Variants in CELF2 observed in about 807,000 individuals in gnomAD.
CELF2 encodes the protein CUGBP Elav-like family member 2.
In CELF2, 8 loss-of-function variants were observed where a neutral mutation model predicts 62.6. That is an observed-to-expected ratio of 0.13 (90% CI 0.07 to 0.23). The LOEUF is 0.23. Among genes scored for constraint, CELF2 ranks in the 10% least tolerant of loss-of-function variants. The pLI, the probability that CELF2 is intolerant of heterozygous loss-of-function variation, is 1.00. For missense variants in CELF2, 333 were observed against 671.0 expected (o/e 0.50, Z 5.56); for synonymous variants, 258 against 250.0 (o/e 1.03, Z -0.30).
rs561382648 is a variant in CELF2 at position 10,818,803 on chromosome 10, C to T, written c.53+19986C>T. On this transcript the variant is annotated intron_variant, in intron 1 of 13. Transcript: ENST00000636488. Reference sequence around the variant, plus strand: ...ATGTTGACCAGGCTGGTCTCGACCTCCTAACCTCGAGTAATCTGCCTGCCT... The same window carrying T: ...ATGTTGACCAGGCTGGTCTCGACCTTCTAACCTCGAGTAATCTGCCTGCCT... Among the ~76,000 whole-genome samples the T allele has an allele frequency of 3.3e-5, 5 of 152,214 alleles. No homozygotes were observed. In the South Asian group the frequency reaches 1.0e-3, roughly 32 times the overall value.
intron 4 of CELF2, among the ~76,000 whole-genome samples, chr10:11,253,396 G>C (rs2137556895): frequency 6.6e-6 from 1 of 152,328 alleles, no homozygotes; most frequent in South Asian, 2.1e-4. Flanking sequence ...ATCATCAGCA[G>C]AGGGTGCAGA....
chr10:11,238,626 G>A (rs6602487), intron 3 of CELF2, among the ~76,000 whole-genome samples: 150,295 of 152,350 alleles, frequency 0.99, 74,184 homozygotes, highest in East Asian at 1. Flanking sequence ...CACAGTGACA[G>A]TACCTTCTAC....
chr10:10,848,754 G>A (rs925749541), intron 1 of CELF2, among the ~76,000 whole-genome samples: 69 of 152,166 alleles, frequency 4.5e-4, no homozygotes, highest in Non-Finnish European at 2.8e-4. Flanking sequence ...TCCGATTGCT[G>A]CCTCTAACCA....
chr10:11,174,892 G>A (rs1048941604), intron 2 of CELF2, among the ~76,000 whole-genome samples: 1 of 152,208 alleles, frequency 6.6e-6, no homozygotes, highest in African/African-American at 2.4e-5. Context: ...AAACATCAGG[G>A]AGGGGGAGGA....
At chr10:11,034,346 C>T (rs1387768388) in intron 1 of CELF2, among the ~76,000 whole-genome samples, 2 of 136,998 alleles carry the variant, frequency 1.5e-5, no homozygotes, top group African/African-American at 5.0e-5. Flanking sequence ...AATGGGGCCT[C>T]ATCTTTAATT....
At chr10:11,089,183 A>G (rs146394004) in intron 1 of CELF2, among the ~76,000 whole-genome samples, 83 of 152,336 alleles carry the variant, frequency 5.4e-4, no homozygotes, top group African/African-American at 1.9e-3. Context: ...TGGGGATGGC[A>G]GGGTCACGTT....
chr10:10,660,979 C>G, the CELF2 span, among the ~76,000 whole-genome samples: 16 of 152,290 alleles, frequency 1.1e-4, no homozygotes, highest in East Asian at 3.1e-3. Flanking sequence ...CTGTTCAACA[C>G]AAGTGTGTGA....
intron 1 of CELF2, among the ~76,000 whole-genome samples, chr10:10,881,950 C>A (rs1377261329): frequency 1.3e-5 from 2 of 152,166 alleles, no homozygotes; most frequent in Non-Finnish European, 2.9e-5. Flanking sequence ...TCAATTGACA[C>A]CTTTTGTATG....
the CELF2 span, among the ~76,000 whole-genome samples, chr10:10,619,796 A>G: frequency 6.6e-6 from 1 of 152,184 alleles, no homozygotes; most frequent in African/African-American, 2.4e-5. Context: ...TTGAGACCCC[A>G]TGGGCTTACA....
rs574594435 is a variant in CELF2 at position 11,139,391 on chromosome 10, A to G, written c.75-26095A>G. On this transcript the variant is annotated intron_variant, in intron 1 of 12. Transcript: ENST00000633077. ...TCTAAATAGTTGAAAAGAGTGAGGA[A>G]AGAAATTCTGTTAAAATTCAGGATT... 2.6e-5 allele frequency among the ~76,000 whole-genome samples: 4 copies of G among 152,366 alleles called. No homozygotes were observed. In the South Asian group the frequency reaches 8.3e-4, roughly 32 times the overall value.
chr10:10,996,244 T>A (rs1185796078), intron 2 of CELF2, among the ~76,000 whole-genome samples: 1 of 152,224 alleles, frequency 6.6e-6, no homozygotes, highest in African/African-American at 2.4e-5. Context: ...GCTTGTCTGT[T>A]CAGAAAGCTG....
chr10:10,847,464 A>T (rs533168091), intron 1 of CELF2, among the ~76,000 whole-genome samples: 63 of 152,334 alleles, frequency 4.1e-4, no homozygotes, highest in African/African-American at 1.4e-3. Flanking sequence ...ATACACATGC[A>T]GGAAGAAATG....
At chr10:11,026,276 C>T (rs2059187982) in intron 1 of CELF2, among the ~76,000 whole-genome samples, 1 of 152,156 alleles carries the variant, frequency 6.6e-6, no homozygotes, top group African/African-American at 2.4e-5. Context: ...AATGGGAGTC[C>T]AGCATATAAA....
chr10:11,158,677 A>G (rs1381964845), intron 1 of CELF2, among the ~76,000 whole-genome samples: 2 of 152,086 alleles, frequency 1.3e-5, no homozygotes, highest in African/African-American at 2.4e-5. Context: ...ACATTGAAAT[A>G]AGGTAATAAG....
rs967992078 is a variant in CELF2 at position 11,026,825 on chromosome 10, C to T, written c.74+8662C>T. 2.6e-5 allele frequency among the ~76,000 whole-genome samples: 4 copies of T among 152,190 alleles called. No individual in the cohort carries two copies. In the East Asian group the frequency reaches 5.8e-4, roughly 22 times the overall value. On this transcript the variant is annotated intron_variant, in intron 1 of 12. Transcript: ENST00000633077. ...CGGGAGGAGAGCAGTATCCAAATACCTAGCTCATCACTTGTAAATTCCACT... is the reference window on the plus strand; with the variant it reads ...CGGGAGGAGAGCAGTATCCAAATACTTAGCTCATCACTTGTAAATTCCACT...
At chr10:11,215,224 G>A (rs1253355006) in intron 2 of CELF2, among the ~76,000 whole-genome samples, 1 of 152,234 alleles carries the variant, frequency 6.6e-6, no homozygotes, top group African/African-American at 2.4e-5. Context: ...TTGCTTGGGT[G>A]TCTGAGGCAG....
chr10:10,631,423 G>T, the CELF2 span, among the ~76,000 whole-genome samples: 6 of 152,252 alleles, frequency 3.9e-5, no homozygotes, highest in Non-Finnish European at 8.8e-5. Context: ...TTCTCTAGAG[G>T]TCATGACAGT....
At chr10:11,134,027 T>C (rs1011149221) in intron 1 of CELF2, among the ~76,000 whole-genome samples, 1 of 152,244 alleles carries the variant, frequency 6.6e-6, no homozygotes, top group Non-Finnish European at 1.5e-5. Flanking sequence ...TTCCGTATTA[T>C]TGTATACTTT....
intron 1 of CELF2, among the ~76,000 whole-genome samples, chr10:10,916,264 G>C (rs577706510): frequency 5.3e-5 from 8 of 152,312 alleles, no homozygotes; most frequent in Middle Eastern, 3.4e-3. Flanking sequence ...ACTGGATGAT[G>C]ACTCCTAGCT....
Sources: allele counts gnomAD v4.1 joint callset (sites outside exome capture counted in the v4.1 genomes callset), GRCh38; gene constraint gnomAD v4.1.1; transcripts MANE v1.5; gene names NCBI Gene and HGNC (gene_info 2026-07-23, HGNC 2026-07-21).